Variants in INSL6 observed in about 807,000 individuals in gnomAD.
INSL6 encodes the protein insulin like 6.
INSL6 carries 16 observed loss-of-function variants against 9.4 expected under a neutral mutation model. That is an observed-to-expected ratio of 1.70 (90% CI 1.15 to 2.59). The LOEUF (loss-of-function observed/expected upper bound fraction) is 2.59. INSL6 is among the 30% of genes most tolerant of loss of function. The pLI is 0.00. For missense variants in INSL6, 391 were observed against 257.3 expected (o/e 1.52, Z -3.56); for synonymous variants, 154 against 96.9 (o/e 1.59, Z -3.46).
chr9:5,128,305 G>A (rs1180863049), intron 3 of INSL6: 1 of 223,872 alleles, frequency 4.5e-6, no homozygotes, highest in Non-Finnish European at 8.9e-6. Flanking sequence ...CATTTTTAAA[G>A]CATTTTAATA....
chr9:5,009,436 ATTTTT>A, the INSL6 span, among the ~76,000 whole-genome samples: 3 of 148,584 alleles, frequency 2.0e-5, no homozygotes, highest in African/African-American at 7.4e-5. Context: ...ACTAGTCAGG[ATTTTT>A]TTTTTTAATT....
At chr9:5,093,270 T>C in the INSL6 span, among the ~76,000 whole-genome samples, 1 of 152,148 alleles carries the variant, frequency 6.6e-6, no homozygotes, top group East Asian at 1.9e-4. Context: ...TCGGCAAATC[T>C]TACCCCACCT....
chr9:5,024,205 G>A, the INSL6 span, among the ~76,000 whole-genome samples: 1 of 152,082 alleles, frequency 6.6e-6, no homozygotes, highest in Non-Finnish European at 1.5e-5. Context: ...GCAGTGAGCC[G>A]AGATTGCGCC....
chr9:5,089,196 G>GAGAT, the INSL6 span, among the ~76,000 whole-genome samples: 1 of 152,220 alleles, frequency 6.6e-6, no homozygotes, highest in East Asian at 1.9e-4. Context: ...CCCACCTGTT[G>GAGAT]AGATAGTATT....
At chr9:5,172,643 G>A (rs1455065765) in intron 1 of INSL6, among the ~76,000 whole-genome samples, 1 of 151,980 alleles carries the variant, frequency 6.6e-6, no homozygotes, top group African/African-American at 2.4e-5. Context: ...TTAAAGAGTG[G>A]CCAGGCCAGG....
chr9:5,074,868 A>C, the INSL6 span, among the ~76,000 whole-genome samples: 3 of 152,208 alleles, frequency 2.0e-5, no homozygotes, highest in Non-Finnish European at 4.4e-5. Flanking sequence ...AAGCCAAGAC[A>C]AGCTGAAAGC....
At chr9:5,121,569 G>A (rs1208394678), downstream of INSL6, among the ~76,000 whole-genome samples, 2 of 152,158 alleles carry the variant, frequency 1.3e-5, no homozygotes, top group East Asian at 1.9e-4. Flanking sequence ...CTTCCTTGAT[G>A]ACTGAATTCC....
At chr9:5,107,026 A>G in the INSL6 span, among the ~76,000 whole-genome samples, 5 of 152,218 alleles carry the variant, frequency 3.3e-5, no homozygotes, top group South Asian at 2.1e-4. Flanking sequence ...AACTTAAAGT[A>G]TAATAAAAAT....
At chr9:5,042,599 A>AGGCCCAGCGCC in the INSL6 span, among the ~76,000 whole-genome samples, 1 of 151,668 alleles carries the variant, frequency 6.6e-6, no homozygotes, top group Non-Finnish European at 1.5e-5. Context: ...CCCAGGGCTG[A>AGGCCCAGCGCC]GGCCCAGCCA....
chr9:5,009,014 T>C, the INSL6 span, among the ~76,000 whole-genome samples: 2 of 152,208 alleles, frequency 1.3e-5, no homozygotes, highest in African/African-American at 4.8e-5. Flanking sequence ...TTCAACTCTT[T>C]CACTGAATTG....
chr9:5,130,372 G>C (rs1332311107), intron 3 of INSL6, among the ~76,000 whole-genome samples: 3 of 152,218 alleles, frequency 2.0e-5, no homozygotes, highest in East Asian at 3.8e-4. Flanking sequence ...ATAGCTTTTA[G>C]ATCTGAATTA....
chr9:5,098,454 C>T, the INSL6 span: 1 of 152,130 alleles, frequency 6.6e-6, no homozygotes, highest in Non-Finnish European at 1.5e-5. Context: ...GTTCCTGGTT[C>T]TATACATTAT....
At chr9:5,018,415 A>G in the INSL6 span, among the ~76,000 whole-genome samples, 1 of 152,064 alleles carries the variant, frequency 6.6e-6, no homozygotes, top group African/African-American at 2.4e-5. Flanking sequence ...GGCTCACTGC[A>G]GCCTCGACCT....
At chr9:5,061,625 T>C in the INSL6 span, among the ~76,000 whole-genome samples, 3 of 152,246 alleles carry the variant, frequency 2.0e-5, no homozygotes, top group Non-Finnish European at 4.4e-5. Context: ...GGGAATGTTA[T>C]GGCTGGTTTG....
At chr9:5,017,976 C>G in the INSL6 span, among the ~76,000 whole-genome samples, 2 of 152,126 alleles carry the variant, frequency 1.3e-5, no homozygotes, top group Non-Finnish European at 2.9e-5. Context: ...TACTTTCAGT[C>G]TATGTGTATC....
At chr9:5,080,820 G>A in the INSL6 span, 1 of 512,216 alleles carries the variant, frequency 2.0e-6, no homozygotes, top group Non-Finnish European at 3.3e-6. Flanking sequence ...TGTTCATATG[G>A]CTTTTCATGC....
the INSL6 span, chr9:5,112,759 G>T: frequency 3.1e-6 from 2 of 638,402 alleles, no homozygotes. Flanking sequence ...GAGAAGAGAA[G>T]GTGTCGCGCG....
the INSL6 span, among the ~76,000 whole-genome samples, chr9:5,002,910 C>T: frequency 1.3e-5 from 2 of 151,776 alleles, no homozygotes; most frequent in Non-Finnish European, 3.0e-5. Flanking sequence ...TATTTGTGTA[C>T]CGTATGAAGT....
At chr9:5,147,278 G>C (rs1026412506) in intron 2 of INSL6, among the ~76,000 whole-genome samples, 2 of 152,178 alleles carry the variant, frequency 1.3e-5, no homozygotes, top group South Asian at 4.1e-4. Flanking sequence ...ACAAGCAGTG[G>C]GGGATATGTG....
Sources: allele counts gnomAD v4.1 joint callset (sites outside exome capture counted in the v4.1 genomes callset), GRCh38; gene constraint gnomAD v4.1.1; transcripts MANE v1.5; gene names NCBI Gene and HGNC (gene_info 2026-07-23, HGNC 2026-07-21).